Variants in RCE1 observed in about 807,000 individuals in gnomAD.
RCE1 encodes CAAX prenyl protease 2.
Under a neutral mutation model 35.0 loss-of-function variants are expected in RCE1, and 15 were observed. The ratio of observed to expected loss-of-function variants is 0.43; its 90% confidence interval spans 0.29 to 0.66. The LOEUF (loss-of-function observed/expected upper bound fraction) is 0.66, where lower values mean the gene tolerates loss of function less well. Among genes scored for constraint, RCE1 ranks in the 30% least tolerant of loss-of-function variants. The pLI is 0.17. For missense variants in RCE1, 434 were observed against 433.0 expected (o/e 1.00, Z -0.02); for synonymous variants, 261 against 192.7 (o/e 1.35, Z -2.94).
At position 66,843,482 on chromosome 11, in the gene RCE1, G is replaced by C. The variant is rs1313511327; in HGVS notation, c.27G>C (p.Leu9=). 1 of 1,468,722 alleles carries C rather than the reference G, an allele frequency of 6.8e-7. No homozygotes were observed. Among genetic ancestry groups the C allele is most frequent in the South Asian group, 1.3e-5 (1 of 76,092 alleles). 91.0% of individuals were successfully genotyped at this position (1,468,722 alleles called of 1,614,324 possible). Residue 9 remains leucine, a synonymous_variant, in exon 1 of 8, where the codon CTG becomes CTC. Coordinates refer to ENST00000309657, the MANE Select transcript of RCE1 (RefSeq NM_005133.3). ...TGGCGGCGCTGGGCGGGGATGGGCT[G>C]CGACTGCTGTCGGTGTCGCGGCCGG... MAALGGDG[L]RLLSVSRPER...
chr11:66,844,093 C>T (rs1378938752), intron 3 of RCE1, 54 bp downstream of exon 3: 17 of 1,612,700 alleles, frequency 1.1e-5, no homozygotes, highest in East Asian at 2.2e-5. Context: ...GCCTGATGGG[C>T]AGTGCCGTGG....
intron 4 of RCE1, 104 bp downstream of exon 4, chr11:66,844,468 C>A: frequency 1.4e-6 from 2 of 1,448,096 alleles, no homozygotes; most frequent in Non-Finnish European, 1.9e-6. Flanking sequence ...GAAATGTCAT[C>A]TCTCTGGGTG....
At position 66,844,646 on chromosome 11, in the gene RCE1, C is replaced by G. The variant is rs961330075; in HGVS notation, c.452-223C>G. ...TAGTCTTGCTTAAATTTTGGTGTCT[C>G]CAGAGTTTACTTCCAGGATGCCCTT... On this transcript the variant is annotated intron_variant, in intron 4 of 7. Coordinates refer to ENST00000309657, the MANE Select transcript of RCE1 (RefSeq NM_005133.3). The G allele has an allele frequency of 1.5e-5, 12 of 794,276 alleles. No individual in the cohort carries two copies. In the African/African-American group the frequency reaches 1.6e-4, roughly 10 times the overall value. The allele number at this position is 794,276 out of a possible 1,614,324, so 49.2% of individuals were successfully genotyped here.
At position 66,846,245 on chromosome 11, in the gene RCE1, A is replaced by AAGAG; in HGVS notation, c.*152_*155dup. On this transcript the variant is annotated 3_prime_UTR_variant, in exon 8 of 8. Transcript: ENST00000309657. ...CAGAGCTAGTTGCGTCCCAGGGACCAAGAGAAAGAAGCAGATATCCAAAGG... is the reference window on the plus strand; with the variant it reads ...CAGAGCTAGTTGCGTCCCAGGGACCAAGAGAGAGAAAGAAGCAGATATCCAAAGG... 1.0e-6 allele frequency: 1 copy of AAGAG among 994,534 alleles called. No individual in the cohort carries two copies. The highest frequency in any genetic ancestry group is 1.4e-6 in the Non-Finnish European group (1 of 698,932). The allele number at this position is 994,534 out of a possible 1,614,324, so 61.6% of individuals were successfully genotyped here.
intron 4 of RCE1, 183 bp from the exon 5 acceptor site, chr11:66,844,686 C>T (rs922673249): frequency 1.3e-5 from 13 of 969,126 alleles, no homozygotes; most frequent in Admixed American, 6.1e-5. Flanking sequence ...CAGCTAATGC[C>T]TTCCATTCAG....
chr11:66,845,533 C>T lies in RCE1; in HGVS notation c.725C>T (p.Ala242Val). Residue 242 changes from alanine (A) to valine (V), a missense_variant, in exon 7 of 8, where the codon GCC becomes GTC. Transcript: ENST00000309657. ...FQFSYTAVFG[A>V]YTAFLFIRTG... Reference sequence around the variant, plus strand: ...TTCTCCTACACAGCTGTCTTCGGTGCCTACACTGCTTTCCTCTTCATCCGC... The same window carrying T: ...TTCTCCTACACAGCTGTCTTCGGTGTCTACACTGCTTTCCTCTTCATCCGC... 1 of 1,614,208 alleles carries T rather than the reference C, an allele frequency of 6.2e-7. No homozygotes were observed. Among genetic ancestry groups the T allele is most frequent in the Non-Finnish European group, 8.5e-7 (1 of 1,180,028 alleles).
chr11:66,843,859 C>CA lies in RCE1; in HGVS notation c.287dup (p.Pro97AlafsTer45). The CA allele has an allele frequency of 6.2e-7, 1 of 1,614,110 alleles. No homozygotes were observed. The highest frequency in any genetic ancestry group is 1.1e-5 in the South Asian group (1 of 91,088). On this transcript the variant is annotated frameshift_variant and splice_region_variant, in exon 2 of 8. Transcript: ENST00000309657. LOFTEE classifies it high-confidence loss of function. ...GCTCTGGAGGGAACTCACAGGCATCCAGGTGCGAAGGAGGCGGGGCAAAGG... is the reference window on the plus strand; with the variant it reads ...GCTCTGGAGGGAACTCACAGGCATCCAAGGTGCGAAGGAGGCGGGGCAAAGG...
intron 5 of RCE1, 36 bp from the exon 6 acceptor site, chr11:66,845,130 G>C (rs1440677288): frequency 1.2e-6 from 2 of 1,614,176 alleles, no homozygotes; most frequent in South Asian, 2.2e-5. Context: ...GAGGCTGGGA[G>C]GAATGACTGT....
chr11:66,843,473 G>GGATGGGCTGCGACTGCTGTCGGT lies in RCE1; in HGVS notation c.20_42dup (p.Ser15MetfsTer98). 1 of 1,441,264 alleles carries GGATGGGCTGCGACTGCTGTCGGT rather than the reference G, an allele frequency of 6.9e-7. No individual in the cohort carries two copies. The highest frequency in any genetic ancestry group is 9.0e-7 in the Non-Finnish European group (1 of 1,110,588). The allele number at this position is 1,441,264 out of a possible 1,614,324, so 89.3% of individuals were successfully genotyped here. A position where few individuals can be genotyped will look rare whatever the true frequency, so the allele number is the denominator to read the frequency against. On this transcript the variant is annotated frameshift_variant, in exon 1 of 8. Coordinates refer to ENST00000309657, the MANE Select transcript of RCE1 (RefSeq NM_005133.3). LOFTEE classifies it high-confidence loss of function. Reference sequence around the variant, plus strand: ...AGGGCGCAATGGCGGCGCTGGGCGGGGATGGGCTGCGACTGCTGTCGGTGT... The same window carrying GGATGGGCTGCGACTGCTGTCGGT: ...AGGGCGCAATGGCGGCGCTGGGCGGGGATGGGCTGCGACTGCTGTCGGTGATGGGCTGCGACTGCTGTCGGTGT...
At chr11:66,845,418 G>A in intron 6 of RCE1, 82 bp from the exon 7 acceptor site, 3 of 1,607,580 alleles carry the variant, frequency 1.9e-6, no homozygotes, top group Non-Finnish European at 2.6e-6. Context: ...GGAGGGGATG[G>A]TCGGTCTTTG....
Position 66,843,480 on chromosome 11 carries a change from CTGCG to C in RCE1, c.26_29del (p.Leu9HisfsTer95), listed in dbSNP as rs1945132891. On this transcript the variant is annotated frameshift_variant, in exon 1 of 8. Transcript: ENST00000309657. LOFTEE classifies it high-confidence loss of function. ...AATGGCGGCGCTGGGCGGGGATGGGCTGCGACTGCTGTCGGTGTCGCGGCCGGAG... is the reference window on the plus strand; with the variant it reads ...AATGGCGGCGCTGGGCGGGGATGGGCACTGCTGTCGGTGTCGCGGCCGGAG... The C allele has an allele frequency of 2.0e-6, 3 of 1,466,792 alleles. No individual in the cohort carries two copies. The East Asian group carries it at 8.4e-5, about 41-fold the overall frequency. 90.9% of individuals were successfully genotyped at this position (1,466,792 alleles called of 1,614,324 possible).
At chr11:66,843,911 T>C (rs756625009) in intron 2 of RCE1, 45 bp from the exon 3 acceptor site, 90 of 1,613,804 alleles carry the variant, frequency 5.6e-5, no homozygotes, top group Non-Finnish European at 7.1e-5. Flanking sequence ...CTCAGGGGTC[T>C]TTAGGGGAGG....
chr11:66,845,203 C>A lies in RCE1; in HGVS notation c.657C>A (p.Arg219=), dbSNP rs1199614594. ...FHHIIEQLRF[R]QSSVGNIFLS... ...ATATTATTGAGCAGCTGCGTTTCCGCCAGAGCAGCGTGGGGAACATCTTCT... is the reference window on the plus strand; with the variant it reads ...ATATTATTGAGCAGCTGCGTTTCCGACAGAGCAGCGTGGGGAACATCTTCT... The change falls in exon 6 of 8, where the codon CGC becomes CGA. Residue 219 remains arginine (R), a synonymous_variant. Coordinates refer to ENST00000309657, the MANE Select transcript of RCE1 (RefSeq NM_005133.3). The A allele has an allele frequency of 6.2e-7, 1 of 1,614,232 alleles. No individual in the cohort carries two copies. The highest frequency in any genetic ancestry group is 1.3e-5 in the African/African-American group (1 of 75,052).
chr11:66,846,253 G>A lies in RCE1; in HGVS notation c.*158G>A. ...GTTGCGTCCCAGGGACCAAGAGAAAGAAGCAGATATCCAAAGGGTGCAGCC... is the reference window on the plus strand; with the variant it reads ...GTTGCGTCCCAGGGACCAAGAGAAAAAAGCAGATATCCAAAGGGTGCAGCC... On this transcript the variant is annotated 3_prime_UTR_variant, in exon 8 of 8. Coordinates refer to ENST00000309657, the MANE Select transcript of RCE1 (RefSeq NM_005133.3). 8.5e-6 allele frequency: 8 copies of A among 938,366 alleles called. No individual in the cohort carries two copies. Among genetic ancestry groups the A allele is most frequent in the Non-Finnish European group, 1.2e-5 (8 of 648,604 alleles). The allele number at this position is 938,366 out of a possible 1,614,324, so 58.1% of individuals were successfully genotyped here.
intron 4 of RCE1, 57 bp from the exon 5 acceptor site, chr11:66,844,812 G>A: frequency 1.3e-6 from 2 of 1,491,690 alleles, no homozygotes; most frequent in Non-Finnish European, 8.9e-7. Flanking sequence ...TGGAGCCTCT[G>A]GGGTCTCACT....
chr11:66,845,257 C>G lies in RCE1; in HGVS notation c.691+20C>G, dbSNP rs773087288. The G allele has an allele frequency of 6.2e-7, 1 of 1,614,142 alleles. No individual in the cohort carries two copies. The highest frequency in any genetic ancestry group is 1.1e-5 in the South Asian group (1 of 91,080). ...CTGCTGGTGAGTCCTGGCTAGCTGG[C>G]CTGGGTTAGGGTGTATGATGATGTC... On this transcript the variant is annotated intron_variant, in intron 6 of 7. Transcript: ENST00000309657.
chr11:66,845,943 C>G lies in RCE1; in HGVS notation c.838C>G (p.Gln280Glu), dbSNP rs1565202791. The change falls in exon 8 of 8, where the codon CAG (glutamine) becomes GAG (glutamate). Residue 280 changes from glutamine to glutamate, a missense_variant. By Grantham distance (29) the Gln-to-Glu change is conservative. Transcript: ENST00000309657. ...TGTTTGCGCGGCCTTGGAGCACCCA[C>G]AGAGGCGGCCCCTGCTGGCAGGCTA... ...PAVCAALEHPQRRPLLAGYAL... is the reference protein window; with the variant it reads ...PAVCAALEHPERRPLLAGYAL... The G allele has an allele frequency of 6.2e-7, 1 of 1,613,828 alleles. No individual in the cohort carries two copies. Among genetic ancestry groups the G allele is most frequent in the Middle Eastern group, 1.6e-4 (1 of 6,062 alleles).
chr11:66,844,263 T>G (rs1945158351), intron 3 of RCE1, 23 bp from the exon 4 acceptor site: 12 of 1,614,038 alleles, frequency 7.4e-6, no homozygotes, highest in Middle Eastern at 1.7e-4. Context: ...TGGGTTATGG[T>G]GAAAGTGTTT....
At position 66,844,873 on chromosome 11, in the gene RCE1, C is replaced by T. The variant is rs752735030; in HGVS notation, c.456C>T (p.Pro152=). 1 of 1,534,090 alleles carries T rather than the reference C, an allele frequency of 6.5e-7. No individual in the cohort carries two copies. The highest frequency in any genetic ancestry group is 1.3e-5 in the South Asian group (1 of 77,230). Residue 152 remains proline, a synonymous_variant, in exon 5 of 8, where the codon CCC becomes CCT. Transcript: ENST00000309657. ...TGTCCTGAATTCCCTCTGCAGCCCCCCGCTCCTGGGCCCGCTGCCTCACAG... is the reference window on the plus strand; with the variant it reads ...TGTCCTGAATTCCCTCTGCAGCCCCTCGCTCCTGGGCCCGCTGCCTCACAG... ...LADGLKVVLA[P]RSWARCLTDM...
Sources: allele counts gnomAD v4.1 joint callset, GRCh38; gene constraint gnomAD v4.1.1; transcripts MANE v1.5; gene names NCBI Gene and HGNC (gene_info 2026-07-23, HGNC 2026-07-21).